RAB39A: variants seen among roughly 807,000 people sequenced by gnomAD.
RAB39A encodes the protein RAB39A, member RAS oncogene family.
A neutral mutation model predicts 20.9 loss-of-function variants in RAB39A; 17 were observed. That is an observed-to-expected ratio of 0.81 (90% CI 0.56 to 1.22). The LOEUF (loss-of-function observed/expected upper bound fraction) is 1.22. Ranked by LOEUF, RAB39A falls within the 50% of genes most tolerant of loss-of-function variation. RAB39A has a pLI of 0.00. For synonymous variants in RAB39A, 99 were observed against 103.4 expected (o/e 0.96, Z 0.26); for missense variants, 234 against 270.5 (o/e 0.87, Z 0.95).
intron 1 of RAB39A, among the ~76,000 whole-genome samples, chr11:107,946,618 G>A (rs566392167): frequency 4.7e-5 from 7 of 149,394 alleles, no homozygotes; most frequent in East Asian, 4.0e-4. Context: ...GACTACAGGC[G>A]CCCGCCACCA....
intron 1 of RAB39A, among the ~76,000 whole-genome samples, chr11:107,957,425 G>A (rs1565466808): frequency 6.6e-6 from 1 of 152,170 alleles, no homozygotes; most frequent in Admixed American, 6.5e-5. Flanking sequence ...TAGAGAATGG[G>A]CAACGTGAGT....
At chr11:107,938,309 G>A (rs181589952) in intron 1 of RAB39A, among the ~76,000 whole-genome samples, 9 of 137,480 alleles carry the variant, frequency 6.5e-5, no homozygotes, top group South Asian at 2.2e-4. Context: ...GCAGTGAGCC[G>A]AGATCACGCC....
rs1020126937 is a variant in RAB39A, at chr11:107,962,633, C to A, written c.*261C>A. On this transcript the variant is annotated 3_prime_UTR_variant, in exon 2 of 2. Coordinates refer to ENST00000320578, the MANE Select transcript of RAB39A (RefSeq NM_017516.3). ...TTCTTACTTTGTTAGCATACGCTGA[C>A]CTTAGTGTCCAGATATGTCACTATT... 9.7e-5 allele frequency: 33 copies of A among 339,926 alleles called. No homozygotes were observed. The highest frequency in any genetic ancestry group is 6.7e-4 in the African/African-American group (32 of 48,116). 21.1% of individuals were successfully genotyped at this position (339,926 alleles called of 1,614,324 possible).
chr11:107,946,436 G>GTGTGTGTGTGTGTGTA (rs1315934948), intron 1 of RAB39A, among the ~76,000 whole-genome samples: 1 of 30,482 alleles, frequency 3.3e-5, no homozygotes, highest in African/African-American at 1.2e-4. Context: ...GTGTGTGTGT[G>GTGTGTGTGTGTGTGTA]TATATATATA....
intron 1 of RAB39A, among the ~76,000 whole-genome samples, chr11:107,948,408 C>T (rs1021385913): frequency 3.9e-5 from 6 of 151,912 alleles, no homozygotes; most frequent in Non-Finnish European, 8.8e-5. Flanking sequence ...ACTTAGGCAG[C>T]GTCATGTGAA....
At chr11:107,941,680 G>A (rs1156568394) in intron 1 of RAB39A, among the ~76,000 whole-genome samples, 1 of 152,138 alleles carries the variant, frequency 6.6e-6, no homozygotes, top group Non-Finnish European at 1.5e-5. Context: ...CTGGATGAAA[G>A]ATAAAGGAGC....
At position 107,961,976 on chromosome 11, in the gene RAB39A, A is replaced by G; in HGVS notation, c.258A>G (p.Ser86=). ...TAACCCGATCTTATTACCGCAACTC[A>G]GTTGGTGGATTTTTAGTATTTGACA... ...RSITRSYYRN[S]VGGFLVFDIT... The change falls in exon 2 of 2, where the codon TCA becomes TCG. Residue 86 remains serine, a synonymous_variant. Transcript: ENST00000320578. 1 of 1,612,656 alleles carries G rather than the reference A, an allele frequency of 6.2e-7. No homozygotes were observed.
chr11:107,932,908 A>T (rs1721764199), intron 1 of RAB39A, among the ~76,000 whole-genome samples: 1 of 152,102 alleles, frequency 6.6e-6, no homozygotes, highest in African/African-American at 2.4e-5. Context: ...ATGGGGTTTC[A>T]ACATGGTGGC....
At position 107,935,704 on chromosome 11, in the gene RAB39A, C is replaced by T. The variant is rs112425320; in HGVS notation, c.227+6909C>T. On this transcript the variant is annotated intron_variant, in intron 1 of 1. Transcript: ENST00000320578. Reference sequence around the variant, plus strand: ...AAAGGATTAATTTTCTTAATTACCACATTTTGCAAGAATCGATATTATTAT... The same window carrying T: ...AAAGGATTAATTTTCTTAATTACCATATTTTGCAAGAATCGATATTATTAT... Among the ~76,000 whole-genome samples, 990 of 151,930 alleles carry T rather than the reference C, an allele frequency of 6.5e-3. 11 individuals carry two copies. Among genetic ancestry groups the T allele is most frequent in the African/African-American group, 0.023 (942 of 41,446 alleles).
At chr11:107,945,702 A>G (rs983913655) in intron 1 of RAB39A, among the ~76,000 whole-genome samples, 1 of 152,232 alleles carries the variant, frequency 6.6e-6, no homozygotes, top group African/African-American at 2.4e-5. Context: ...CTGTTTAAGA[A>G]GGATGGGATT....
At chr11:107,942,434 A>G (rs1400038026) in intron 1 of RAB39A, among the ~76,000 whole-genome samples, 1 of 151,928 alleles carries the variant, frequency 6.6e-6, no homozygotes, top group Non-Finnish European at 1.5e-5. Context: ...TTGCTCTGTC[A>G]CTCATGCTGA....
intron 1 of RAB39A, among the ~76,000 whole-genome samples, chr11:107,939,222 C>CAATAGA (rs2134955523): frequency 1.6e-5 from 2 of 124,258 alleles, no homozygotes; most frequent in African/African-American, 3.2e-5. Context: ...CCAGCCTGGG[C>CAATAGA]GGCAAAGCGA....
At chr11:107,945,774 G>C (rs1861301549) in intron 1 of RAB39A, among the ~76,000 whole-genome samples, 1 of 152,184 alleles carries the variant, frequency 6.6e-6, no homozygotes, top group Middle Eastern at 3.4e-3. Context: ...AACCACATTG[G>C]CAAAAAACTG....
In RAB39A at chr11:107,928,489, G is replaced by C; in HGVS notation, c.-80G>C. 1 of 1,099,842 alleles carries C rather than the reference G, an allele frequency of 9.1e-7. No individual in the cohort carries two copies. Among genetic ancestry groups the C allele is most frequent in the Non-Finnish European group, 1.2e-6 (1 of 835,362 alleles). 68.1% of individuals were successfully genotyped at this position (1,099,842 alleles called of 1,614,324 possible). A position where few individuals can be genotyped will look rare whatever the true frequency, so the allele number is the denominator to read the frequency against. ...TGGAAGGCGGCGGGCGGGCGCCCGCGAGGTGCTGAAAGGACAGTTCCCGCC... is the reference window on the plus strand; with the variant it reads ...TGGAAGGCGGCGGGCGGGCGCCCGCCAGGTGCTGAAAGGACAGTTCCCGCC... On this transcript the variant is annotated 5_prime_UTR_variant, in exon 1 of 2. Transcript: ENST00000320578. The surrounding 1 kb of genome is among the most constrained non-coding windows in gnomAD (Gnocchi z 4.9).
chr11:107,928,682 C>T lies in RAB39A; in HGVS notation c.114C>T (p.Ser38=), dbSNP rs767697070. 6.2e-6 allele frequency: 10 copies of T among 1,612,150 alleles called. No individual in the cohort carries two copies. The Admixed American group carries it at 1.2e-4, about 19-fold the overall frequency. ...FTQGRFPGLR[S]PACDPTVGVD... ...AGGGCCGCTTCCCCGGGCTGCGCTCCCCCGCCTGCGACCCCACCGTCGGCG... is the reference window on the plus strand; with the variant it reads ...AGGGCCGCTTCCCCGGGCTGCGCTCTCCCGCCTGCGACCCCACCGTCGGCG... The change falls in exon 1 of 2, where the codon TCC becomes TCT. Residue 38 remains serine, a synonymous_variant. Coordinates refer to ENST00000320578, the MANE Select transcript of RAB39A (RefSeq NM_017516.3). The surrounding 1 kb of genome is among the most constrained non-coding windows in gnomAD (Gnocchi z 4.9).
chr11:107,950,101 A>G (rs1406769545), intron 1 of RAB39A, among the ~76,000 whole-genome samples: 2 of 151,584 alleles, frequency 1.3e-5, no homozygotes, highest in East Asian at 3.9e-4. Flanking sequence ...AATGGCATGA[A>G]CCCAGGAGGC....
At chr11:107,959,091 G>A (rs183030046) in intron 1 of RAB39A, among the ~76,000 whole-genome samples, 119 of 149,604 alleles carry the variant, frequency 8.0e-4, no homozygotes, top group Non-Finnish European at 1.4e-3. Flanking sequence ...TTGCATTCCA[G>A]CCTGGGCAAC....
chr11:107,958,138 C>T (rs890075311), intron 1 of RAB39A, among the ~76,000 whole-genome samples: 3 of 152,138 alleles, frequency 2.0e-5, no homozygotes, highest in Admixed American at 6.6e-5. Context: ...GTGATCTGCC[C>T]ACCTTGGCCT....
intron 1 of RAB39A, among the ~76,000 whole-genome samples, chr11:107,942,054 G>T (rs146841096): frequency 6.2e-5 from 8 of 128,970 alleles, no homozygotes; most frequent in Non-Finnish European, 1.2e-4. Flanking sequence ...AGCCAAGATC[G>T]TACCACTGCT....
Sources: gnomAD v4.1 joint callset for allele counts (sites outside exome capture counted in the v4.1 genomes callset) on GRCh38, gnomAD v4.1.1 for gene constraint, Gnocchi (gnomAD v3.1) non-coding constraint, MANE v1.5 for transcripts, NCBI Gene and HGNC (gene_info 2026-07-23, HGNC 2026-07-21) for gene names.